Variants in CATSPERT observed in about 807,000 individuals in gnomAD.
CATSPERT encodes the protein catsper channel auxiliary subunit tau.
chr2:201,515,454 C>T, the CATSPERT span, among the ~76,000 whole-genome samples: 11 of 151,518 alleles, frequency 7.3e-5, no homozygotes, highest in East Asian at 1.9e-4. Context: ...AGGCTGGTCT[C>T]GAACTCCTGA....
At chr2:201,614,121 T>G in the CATSPERT span, among the ~76,000 whole-genome samples, 1 of 152,154 alleles carries the variant, frequency 6.6e-6, no homozygotes, top group African/African-American at 2.4e-5. Flanking sequence ...TGGAATCAAG[T>G]TGGAAAACAC....
chr2:201,556,275 C>T, the CATSPERT span, among the ~76,000 whole-genome samples: 1 of 152,012 alleles, frequency 6.6e-6, no homozygotes, highest in African/African-American at 2.4e-5. Flanking sequence ...TTTGAGAGGC[C>T]GAAGAGGGCG....
chr2:201,612,405 C>A, the CATSPERT span, among the ~76,000 whole-genome samples: 46 of 152,030 alleles, frequency 3.0e-4, no homozygotes, highest in African/African-American at 1.1e-3. Context: ...AAAACCCCAT[C>A]TCTACTAAAA....
the CATSPERT span, among the ~76,000 whole-genome samples, chr2:201,488,679 A>G: frequency 6.6e-6 from 1 of 152,192 alleles, no homozygotes; most frequent in South Asian, 2.1e-4. Flanking sequence ...AGCCACACCA[A>G]GGGAATGGGC....
the CATSPERT span, among the ~76,000 whole-genome samples, chr2:201,612,832 A>G: frequency 6.6e-6 from 1 of 152,158 alleles, no homozygotes; most frequent in South Asian, 2.1e-4. Context: ...GGCACCTGGA[A>G]AATCGGGACA....
At chr2:201,529,379 A>G in the CATSPERT span, among the ~76,000 whole-genome samples, 6 of 152,342 alleles carry the variant, frequency 3.9e-5, no homozygotes, top group South Asian at 1.2e-3. Context: ...TAAAAACAGC[A>G]TGGCACTGGC....
the CATSPERT span, among the ~76,000 whole-genome samples, chr2:201,500,776 T>A: frequency 6.6e-6 from 1 of 152,170 alleles, no homozygotes; most frequent in Non-Finnish European, 1.5e-5. Context: ...TTTTTGTTAC[T>A]CATGCTTAAC....
the CATSPERT span, among the ~76,000 whole-genome samples, chr2:201,552,046 A>G: frequency 6.6e-6 from 1 of 151,074 alleles, no homozygotes; most frequent in Non-Finnish European, 1.5e-5. Flanking sequence ...GCTGGAATGC[A>G]GTGGTGCGAT....
At chr2:201,499,014 G>A in the CATSPERT span, among the ~76,000 whole-genome samples, 15 of 151,578 alleles carry the variant, frequency 9.9e-5, no homozygotes, top group African/African-American at 3.6e-4. Context: ...CTTTGGAAAT[G>A]TAGAGTCCTC....
chr2:201,509,384 T>C, the CATSPERT span, among the ~76,000 whole-genome samples: 1 of 150,984 alleles, frequency 6.6e-6, no homozygotes, highest in East Asian at 1.9e-4. Context: ...ATTAACCCCT[T>C]ATCAGATATA....
At chr2:201,544,543 T>A in the CATSPERT span, among the ~76,000 whole-genome samples, 1 of 150,378 alleles carries the variant, frequency 6.6e-6, no homozygotes, top group Non-Finnish European at 1.5e-5. Context: ...ACTTTCTTTT[T>A]CACACACACA....
chr2:201,582,498 A>G, the CATSPERT span, among the ~76,000 whole-genome samples: 1 of 152,142 alleles, frequency 6.6e-6, no homozygotes, highest in African/African-American at 2.4e-5. Context: ...GGAAACACCC[A>G]TTACCTACAT....
chr2:201,568,737 T>A, the CATSPERT span, among the ~76,000 whole-genome samples: 5 of 152,232 alleles, frequency 3.3e-5, no homozygotes, highest in Admixed American at 6.5e-5. Flanking sequence ...CATGCAGTAT[T>A]GCTTTCAGTT....
the CATSPERT span, among the ~76,000 whole-genome samples, chr2:201,607,096 T>G: frequency 6.6e-6 from 1 of 152,016 alleles, no homozygotes; most frequent in East Asian, 1.9e-4. Flanking sequence ...CCCCCACCTA[T>G]CAATAATAAC....
the CATSPERT span, among the ~76,000 whole-genome samples, chr2:201,616,356 AC>A: frequency 6.6e-6 from 1 of 152,188 alleles, no homozygotes; most frequent in Non-Finnish European, 1.5e-5. Context: ...AAGCTTATCC[AC>A]CATGATCAAG....
the CATSPERT span, among the ~76,000 whole-genome samples, chr2:201,538,451 C>A: frequency 6.6e-6 from 1 of 152,074 alleles, no homozygotes; most frequent in African/African-American, 2.4e-5. Flanking sequence ...TCTGTGGCAA[C>A]CTTGCGTTGA....
chr2:201,554,433 A>G, the CATSPERT span: 3 of 152,284 alleles, frequency 2.0e-5, no homozygotes, highest in East Asian at 5.8e-4. Context: ...GTGACACGAT[A>G]TTCTAAAAAT....
At chr2:201,490,268 T>C in the CATSPERT span, among the ~76,000 whole-genome samples, 1 of 152,256 alleles carries the variant, frequency 6.6e-6, no homozygotes, top group Non-Finnish European at 1.5e-5. Flanking sequence ...ATTTTTGCAA[T>C]TCATAATCCA....
chr2:201,546,423 T>A, the CATSPERT span, among the ~76,000 whole-genome samples: 1 of 152,098 alleles, frequency 6.6e-6, no homozygotes, highest in African/African-American at 2.4e-5. Context: ...TACAAAGAAC[T>A]CTTACAACTT....
Sources: gnomAD v4.1 joint callset for allele counts (sites outside exome capture counted in the v4.1 genomes callset) on GRCh38, gnomAD v4.1.1 for gene constraint, MANE v1.5 for transcripts, NCBI Gene and HGNC (gene_info 2026-07-23, HGNC 2026-07-21) for gene names.